Variants in CACHD1 observed in about 807,000 individuals in gnomAD.
CACHD1 encodes VWFA and cache domain-containing protein 1.
In CACHD1, 71 loss-of-function variants were observed where a neutral mutation model predicts 138.7. The observed-to-expected ratio is 0.51, with a 90% CI of 0.42 to 0.62. CACHD1 has a LOEUF of 0.62. Among genes scored for constraint, CACHD1 ranks in the 20% least tolerant of loss-of-function variants. CACHD1 has a pLI of 0.00. For missense variants in CACHD1, 1,389 were observed against 1,625.3 expected, an observed-to-expected ratio of 0.85 and a Z score of 2.50; for synonymous variants, 578 against 591.5, an observed-to-expected ratio of 0.98 and a Z score of 0.33.
At chr1:64,634,575 G>T (rs1227209517) in intron 7 of CACHD1, among the ~76,000 whole-genome samples, 1 of 151,888 alleles carries the variant, frequency 6.6e-6, no homozygotes, top group Non-Finnish European at 1.5e-5. Flanking sequence ...GTAAAGAAAG[G>T]GTTTCACTGG....
At chr1:64,681,960 G>C in intron 25 of CACHD1, 45 bp from the exon 26 acceptor site, 1 of 1,512,710 alleles carries the variant, frequency 6.6e-7, no homozygotes, top group Non-Finnish European at 9.2e-7. Context: ...AAACAATGGA[G>C]ATACTGGCAT....
At chr1:64,641,090 A>G (rs1345309094) in intron 7 of CACHD1, among the ~76,000 whole-genome samples, 1 of 150,868 alleles carries the variant, frequency 6.6e-6, no homozygotes, top group African/African-American at 2.4e-5. Flanking sequence ...TTCTTTTTTT[A>G]TCACCTTTTT....
At chr1:64,652,741 T>C (rs906228433) in intron 10 of CACHD1, among the ~76,000 whole-genome samples, 1 of 152,114 alleles carries the variant, frequency 6.6e-6, no homozygotes, top group African/African-American at 2.4e-5. Flanking sequence ...AGTCAAAAAA[T>C]AGCAGATGCT....
chr1:64,537,282 T>C (rs1038008379), intron 1 of CACHD1, among the ~76,000 whole-genome samples: 4 of 152,160 alleles, frequency 2.6e-5, no homozygotes, highest in African/African-American at 9.7e-5. Context: ...AAAAATTGTT[T>C]GTTGAGCGGT....
chr1:64,647,263 T>C (rs922707851), intron 8 of CACHD1, among the ~76,000 whole-genome samples: 1 of 152,180 alleles, frequency 6.6e-6, no homozygotes, highest in Non-Finnish European at 1.5e-5. Context: ...AAAATGAGCT[T>C]AAAGAAACAG....
chr1:64,561,270 G>T (rs1337148382), intron 2 of CACHD1, among the ~76,000 whole-genome samples: 1 of 150,706 alleles, frequency 6.6e-6, no homozygotes, highest in Non-Finnish European at 1.5e-5. Flanking sequence ...GCAACTTACA[G>T]GTTCATTTCT....
Position 64,600,980 on chromosome 1 carries a change from T to G in CACHD1, c.411-1826T>G, listed in dbSNP as rs556749586. Reference sequence around the variant, plus strand: ...TGCTAGCCACATTTCAAATGCTCAGTAGCCACATGTGTCTAACATGTTGGA... The same window carrying G: ...TGCTAGCCACATTTCAAATGCTCAGGAGCCACATGTGTCTAACATGTTGGA... On this transcript the variant is annotated intron_variant, in intron 3 of 26. Coordinates refer to ENST00000651257, the MANE Select transcript of CACHD1 (RefSeq NM_020925.4). Among the ~76,000 whole-genome samples, 37 of 152,348 alleles carry G rather than the reference T, an allele frequency of 2.4e-4. No homozygotes were observed. The South Asian group carries it at 7.7e-3, about 32-fold the overall frequency.
intron 19 of CACHD1, 118 bp downstream of exon 19, chr1:64,673,582 G>T (rs1649890390): frequency 1.2e-6 from 1 of 842,378 alleles, no homozygotes; most frequent in African/African-American, 1.7e-5. Flanking sequence ...TAGAACTATA[G>T]AATGATAGGA....
chr1:64,613,869 T>C (rs990813981), intron 4 of CACHD1, among the ~76,000 whole-genome samples: 3 of 152,122 alleles, frequency 2.0e-5, no homozygotes, highest in Non-Finnish European at 4.4e-5. Flanking sequence ...GAATTCACAA[T>C]CTCTAGCTCC....
intron 2 of CACHD1, among the ~76,000 whole-genome samples, chr1:64,558,389 A>C (rs1216783455): frequency 6.6e-6 from 1 of 152,172 alleles, no homozygotes; most frequent in African/African-American, 2.4e-5. Context: ...TCACCTTCTC[A>C]ATGAGGTGAG....
At position 64,522,339 on chromosome 1, in the gene CACHD1, G is replaced by A. The variant is rs552255612; in HGVS notation, c.199-28255G>A. On this transcript the variant is annotated intron_variant, in intron 1 of 26. Transcript: ENST00000651257. The stretch of plus-strand genomic sequence containing the variant: ...TTTTTGTTTTTTTGAGATGAAGCTC[G>A]CTGTGTCTCCCAGACTAGAGTGCAG... 1.4e-4 allele frequency among the ~76,000 whole-genome samples: 21 copies of A among 151,108 alleles called. 1 individual carries two copies. The South Asian group carries it at 3.3e-3, about 24-fold the overall frequency.
In CACHD1 at chr1:64,676,003, T is replaced by C. The variant is rs749965035; in HGVS notation, c.2975+20T>C. The C allele has an allele frequency of 1.5e-5, 3 of 205,482 alleles. No homozygotes were observed. Among genetic ancestry groups the C allele is most frequent in the South Asian group, 2.8e-4 (1 of 3,630 alleles). 12.7% of individuals were successfully genotyped at this position (205,482 alleles called of 1,614,324 possible). ...GAACCGGTAAAATAATTAATAATAATAATAATAATAATAATAATAATAATA... is the reference window on the plus strand; with the variant it reads ...GAACCGGTAAAATAATTAATAATAACAATAATAATAATAATAATAATAATA... On this transcript the variant is annotated intron_variant, in intron 21 of 26. Transcript: ENST00000651257.
At chr1:64,668,986 C>G (rs1649729176) in intron 16 of CACHD1, among the ~76,000 whole-genome samples, 2 of 152,198 alleles carry the variant, frequency 1.3e-5, no homozygotes, top group Admixed American at 6.5e-5. Context: ...TTGCCATTTA[C>G]TGTTTGCATG....
intron 5 of CACHD1, among the ~76,000 whole-genome samples, chr1:64,632,291 G>C (rs1648337749): frequency 6.8e-6 from 1 of 147,052 alleles, no homozygotes; most frequent in Non-Finnish European, 1.5e-5. Flanking sequence ...GAGAAAAGCA[G>C]GATGTTAGTG....
chr1:64,596,568 G>A (rs186040660), intron 3 of CACHD1, among the ~76,000 whole-genome samples: 1 of 152,268 alleles, frequency 6.6e-6, no homozygotes, highest in East Asian at 1.9e-4. Flanking sequence ...AACGTGTGCT[G>A]TTCTAAAAAC....
chr1:64,549,102 T>C (rs908051328), intron 1 of CACHD1, among the ~76,000 whole-genome samples: 2 of 152,178 alleles, frequency 1.3e-5, no homozygotes. Flanking sequence ...TTAAATAAAA[T>C]ATACACATGA....
chr1:64,614,563 T>A (rs990328620), intron 4 of CACHD1, among the ~76,000 whole-genome samples: 1 of 152,152 alleles, frequency 6.6e-6, no homozygotes, highest in African/African-American at 2.4e-5. Context: ...GACACCCCGC[T>A]GGGTACCTGC....
chr1:64,480,327 ACT>A (rs1646201033), intron 1 of CACHD1, among the ~76,000 whole-genome samples: 1 of 151,418 alleles, frequency 6.6e-6, no homozygotes, highest in African/African-American at 2.4e-5. Context: ...TTGGTTTTAG[ACT>A]CTTGTTTTTT....
At chr1:64,649,103 C>T (rs907624736) in intron 9 of CACHD1, among the ~76,000 whole-genome samples, 9 of 151,980 alleles carry the variant, frequency 5.9e-5, no homozygotes, top group Admixed American at 2.6e-4. Context: ...TTAAAACTCA[C>T]GTGTAAAAAG....
Sources: allele counts gnomAD v4.1 joint callset (sites outside exome capture counted in the v4.1 genomes callset), GRCh38; gene constraint gnomAD v4.1.1; transcripts MANE v1.5; gene names NCBI Gene and HGNC (gene_info 2026-07-23, HGNC 2026-07-21).